The following SLC25A37 variants were observed in gnomAD, a reference collection of about 807,000 sequenced individuals.
SLC25A37 encodes mitoferrin-1.
A neutral mutation model predicts 31.0 loss-of-function variants in SLC25A37; 17 were observed. The observed-to-expected ratio is 0.55, with a 90% CI of 0.38 to 0.82. The LOEUF (loss-of-function observed/expected upper bound fraction) is 0.82, where lower values mean the gene tolerates loss of function less well. SLC25A37 is among the 40% of genes least tolerant of loss of function. The pLI is 0.00. For missense variants in SLC25A37, 404 were observed against 465.8 expected (o/e 0.87, Z 1.22); for synonymous variants, 222 against 193.0 (o/e 1.15, Z -1.24).
chr8:23,535,819 A>C (rs1473004816), intron 1 of SLC25A37, among the ~76,000 whole-genome samples: 1 of 152,128 alleles, frequency 6.6e-6, no homozygotes, highest in Non-Finnish European at 1.5e-5. Flanking sequence ...CCCCATATAA[A>C]ATCATCAGAT....
intron 1 of SLC25A37, among the ~76,000 whole-genome samples, chr8:23,544,883 G>A (rs181686107): frequency 6.6e-6 from 1 of 152,260 alleles, no homozygotes; most frequent in African/African-American, 2.4e-5. Context: ...ACTGCCTGGT[G>A]GCTTTCAGAG....
At chr8:23,558,791 G>A (rs750996752) in intron 1 of SLC25A37, among the ~76,000 whole-genome samples, 3 of 152,132 alleles carry the variant, frequency 2.0e-5, no homozygotes, top group African/African-American at 7.2e-5. Context: ...TTGATTCCCC[G>A]GGCAGGACAC....
rs758054579 is a variant in SLC25A37, at chr8:23,528,995, G to C, written c.-8G>C. On this transcript the variant is annotated 5_prime_UTR_variant, in exon 1 of 4. Coordinates refer to ENST00000519973, the MANE Select transcript of SLC25A37 (RefSeq NM_016612.4). Reference sequence around the variant, plus strand: ...CCTGCAGCCTCCTGCGCCCCGCCGAGCTGGCGGATGGAGCTGCGCAGCGGG... The same window carrying C: ...CCTGCAGCCTCCTGCGCCCCGCCGACCTGGCGGATGGAGCTGCGCAGCGGG... The C allele has an allele frequency of 6.7e-6, 10 of 1,492,122 alleles. No homozygotes were observed. The highest frequency in any genetic ancestry group is 2.2e-5 in the Admixed American group (1 of 45,140). The allele number at this position is 1,492,122 out of a possible 1,614,324, so 92.4% of individuals were successfully genotyped here. A position where few individuals can be genotyped will look rare whatever the true frequency, so the allele number is the denominator to read the frequency against.
rs916112725 is a variant in SLC25A37 at position 23,573,166 on chromosome 8, G to C, written c.*1311G>C. ...CCAGGCCTATCTGCTAGGGCCCTGCGGCTGAGGTCTGACCTGGACCCTCAT... is the reference window on the plus strand; with the variant it reads ...CCAGGCCTATCTGCTAGGGCCCTGCCGCTGAGGTCTGACCTGGACCCTCAT... On this transcript the variant is annotated 3_prime_UTR_variant, in exon 4 of 4. Transcript: ENST00000519973. 1 of 152,284 alleles carries C rather than the reference G, an allele frequency of 6.6e-6. No homozygotes were observed. Among genetic ancestry groups the C allele is most frequent in the African/African-American group, 2.4e-5 (1 of 41,406 alleles). 9.4% of individuals were successfully genotyped at this position (152,284 alleles called of 1,614,324 possible). A position where few individuals can be genotyped will look rare whatever the true frequency, so the allele number is the denominator to read the frequency against.
chr8:23,544,430 G>A (rs553372406), intron 1 of SLC25A37, among the ~76,000 whole-genome samples: 1 of 152,292 alleles, frequency 6.6e-6, no homozygotes, highest in East Asian at 1.9e-4. Context: ...ATTAAGGAAT[G>A]GGGCCTATGG....
rs112440455 is a variant in SLC25A37 at position 23,568,517 on chromosome 8, T to C, written c.496+139T>C. 1.0e-3 allele frequency: 942 copies of C among 925,750 alleles called. 7 individuals are homozygous for C. The African/African-American group carries it at 0.013, about 13-fold the overall frequency. 57.3% of individuals were successfully genotyped at this position (925,750 alleles called of 1,614,324 possible). A position where few individuals can be genotyped will look rare whatever the true frequency, so the allele number is the denominator to read the frequency against. On this transcript the variant is annotated intron_variant, in intron 3 of 3. Coordinates refer to ENST00000519973, the MANE Select transcript of SLC25A37 (RefSeq NM_016612.4). ...GTCAGAGCAGACAGGAGAATTGAAT[T>C]TTTTACTACGTTATCAAAGGCCTCA...
At chr8:23,566,966 G>A (rs564755386) in intron 2 of SLC25A37, 126 of 452,168 alleles carry the variant, frequency 2.8e-4, no homozygotes, top group Non-Finnish European at 3.4e-4. Context: ...ATTTTGTTTG[G>A]TTGTTTTGAG....
At position 23,546,581 on chromosome 8, in the gene SLC25A37, T is replaced by C. The variant is rs1159578852; in HGVS notation, c.210+17369T>C. On this transcript the variant is annotated intron_variant, in intron 1 of 3. Transcript: ENST00000519973. ...GTATATATATATATATATATATATA[T>C]AGTGTATATATATATAGTGTATGTG... Among the ~76,000 whole-genome samples the C allele has an allele frequency of 3.3e-4, 20 of 60,782 alleles. 2 individuals are homozygous for C. In the South Asian group the frequency reaches 5.1e-3, roughly 15 times the overall value. The allele number at this position is 60,782 out of a possible 152,430, so 39.9% of individuals were successfully genotyped here.
intron 1 of SLC25A37, among the ~76,000 whole-genome samples, chr8:23,549,612 G>C (rs1802168898): frequency 6.6e-6 from 1 of 152,182 alleles, no homozygotes; most frequent in African/African-American, 2.4e-5. Flanking sequence ...ATCTTTCTCT[G>C]TGATTGTCAT....
intron 1 of SLC25A37, among the ~76,000 whole-genome samples, chr8:23,563,038 C>T (rs1028886633): frequency 6.6e-6 from 1 of 152,202 alleles, no homozygotes; most frequent in East Asian, 1.9e-4. Context: ...CATCTTCATT[C>T]GTTTGGTCTG....
At chr8:23,563,896 G>A (rs1431155315) in intron 1 of SLC25A37, among the ~76,000 whole-genome samples, 1 of 152,070 alleles carries the variant, frequency 6.6e-6, no homozygotes, top group Non-Finnish European at 1.5e-5. Context: ...CAGGAGAATC[G>A]CTTGAACGTG....
rs1233000236 is a variant in SLC25A37, at chr8:23,562,052, G to A, written c.211-4056G>A. Among the ~76,000 whole-genome samples the A allele has an allele frequency of 3.3e-5, 5 of 152,182 alleles. No homozygotes were observed. The East Asian group carries it at 9.6e-4, about 29-fold the overall frequency. ...TGCCAGCCCTGCTCAATGGGGCTCT[G>A]GAACTTAAGGAAGGCCTTTGACCAT... On this transcript the variant is annotated intron_variant, in intron 1 of 3. Transcript: ENST00000519973.
intron 1 of SLC25A37, among the ~76,000 whole-genome samples, chr8:23,547,786 C>CAACTTCAAGTT (rs1457672659): frequency 5.9e-5 from 9 of 152,330 alleles, no homozygotes; most frequent in African/African-American, 1.9e-4. Context: ...CTTCCAACGA[C>CAACTTCAAGTT]AACACTTCAA....
At chr8:23,546,510 T>C (rs571378470) in intron 1 of SLC25A37, among the ~76,000 whole-genome samples, 1 of 100,312 alleles carries the variant, frequency 1.0e-5, no homozygotes, top group African/African-American at 5.1e-5. Context: ...TATATATATA[T>C]AGGTATATAT....
intron 1 of SLC25A37, among the ~76,000 whole-genome samples, chr8:23,556,230 ATTTTT>A (rs10687321): frequency 1.4e-5 from 2 of 139,950 alleles, no homozygotes; most frequent in Non-Finnish European, 3.1e-5. Flanking sequence ...AAGAGCACCA[ATTTTT>A]TTTTTTTTTT....
At chr8:23,556,602 A>G (rs1802372993) in intron 1 of SLC25A37, among the ~76,000 whole-genome samples, 1 of 151,876 alleles carries the variant, frequency 6.6e-6, no homozygotes, top group Non-Finnish European at 1.5e-5. Flanking sequence ...ATGTGTATAT[A>G]TATGTGTGTA....
At chr8:23,553,428 AAAAAAAC>A (rs1438739893) in intron 1 of SLC25A37, among the ~76,000 whole-genome samples, 1 of 121,714 alleles carries the variant, frequency 8.2e-6, no homozygotes, top group Non-Finnish European at 1.7e-5. Context: ...CTCAAAAAAG[AAAAAAAC>A]AAAAAACAAA....
chr8:23,538,879 C>T (rs904103141), intron 1 of SLC25A37, among the ~76,000 whole-genome samples: 11 of 152,176 alleles, frequency 7.2e-5, no homozygotes, highest in African/African-American at 2.4e-4. Context: ...GGTCTAGAGC[C>T]TACAGGGTAG....
At position 23,529,128 on chromosome 8, in the gene SLC25A37, C is replaced by T. The variant is rs373036276; in HGVS notation, c.126C>T (p.Ser42=). 4 of 1,611,396 alleles carry T rather than the reference C, an allele frequency of 2.5e-6. 1 individual carries two copies. In the South Asian group the frequency reaches 4.4e-5, roughly 18 times the overall value. Residue 42 remains serine (S), a synonymous_variant, in exon 1 of 4, where the codon AGC becomes AGT. Coordinates refer to ENST00000519973, the MANE Select transcript of SLC25A37 (RefSeq NM_016612.4). This position sits in a 1 kb window ranked among gnomAD's most constrained non-coding sequence, Gnocchi z 4.1. Reference sequence around the variant, plus strand: ...AGGACTACGAGAACCTGCCGACTAGCGCCTCCGTGTCCACCCACATGACAG... The same window carrying T: ...AGGACTACGAGAACCTGCCGACTAGTGCCTCCGTGTCCACCCACATGACAG... ...GSEDYENLPT[S]ASVSTHMTAG... is the part of the protein sequence containing the mutation.
Sources: allele counts gnomAD v4.1 joint callset (sites outside exome capture counted in the v4.1 genomes callset), GRCh38; gene constraint gnomAD v4.1.1; non-coding constraint Gnocchi (gnomAD v3.1); transcripts MANE v1.5; gene names NCBI Gene and HGNC (gene_info 2026-07-23, HGNC 2026-07-21).